Variants in ZC3H12D observed in about 807,000 individuals in gnomAD.
The protein encoded by ZC3H12D is probable ribonuclease ZC3H12D.
In ZC3H12D, 11 loss-of-function variants were observed where a neutral mutation model predicts 24.2. The observed-to-expected ratio is 0.46, with a 90% CI of 0.29 to 0.75. The LOEUF (loss-of-function observed/expected upper bound fraction) is 0.75, where lower values mean the gene tolerates loss of function less well. Among genes scored for constraint, ZC3H12D ranks in the 30% least tolerant of loss-of-function variants. ZC3H12D has a pLI of 0.11. For synonymous variants in ZC3H12D, 333 were observed against 341.8 expected (o/e 0.97, Z 0.28); for missense variants, 740 against 767.7 (o/e 0.96, Z 0.43).
At chr6:149,461,643 G>A (rs755954787) in intron 3 of ZC3H12D, 188 bp downstream of exon 3, 11 of 447,124 alleles carry the variant, frequency 2.5e-5, no homozygotes, top group East Asian at 7.9e-5. Flanking sequence ...CAGGTGTTAC[G>A]CTAGGTGCTA....
chr6:149,448,457 T>G lies in ZC3H12D; in HGVS notation c.*2226A>C. 1 of 151,532 alleles carries G rather than the reference T, an allele frequency of 6.6e-6. No individual in the cohort carries two copies. The allele number at this position is 151,532 out of a possible 1,614,324, so 9.4% of individuals were successfully genotyped here. A position where few individuals can be genotyped will look rare whatever the true frequency, so the allele number is the denominator to read the frequency against. Reference sequence around the variant, plus strand: ...ACTCAGGAGGCTGAGGCACAAGGATTGCTTGAGCCTGGGAAGTCAAAGCTG... The same window carrying G: ...ACTCAGGAGGCTGAGGCACAAGGATGGCTTGAGCCTGGGAAGTCAAAGCTG... On this transcript the variant is annotated 3_prime_UTR_variant, in exon 6 of 6. Transcript: ENST00000409806.
intron 4 of ZC3H12D, among the ~76,000 whole-genome samples, chr6:149,455,362 A>G (rs1046586448): frequency 1.3e-5 from 2 of 152,200 alleles, no homozygotes; most frequent in African/African-American, 4.8e-5. Context: ...TAAGACAGAT[A>G]CAGTCCCGGC....
At chr6:149,451,712 A>C (rs414956) in intron 5 of ZC3H12D, among the ~76,000 whole-genome samples, 35,733 of 152,102 alleles carry the variant, frequency 0.23, 4,378 homozygotes, top group Non-Finnish European at 0.26. Context: ...GGCCTGGGTG[A>C]GGGGGCGCTG....
At chr6:149,463,860 G>A (rs1776113013) in intron 2 of ZC3H12D, among the ~76,000 whole-genome samples, 1 of 152,204 alleles carries the variant, frequency 6.6e-6, no homozygotes, top group South Asian at 2.1e-4. Context: ...AAGATCTCTG[G>A]CTTGTGTAAG....
intron 1 of ZC3H12D, among the ~76,000 whole-genome samples, chr6:149,484,100 C>A (rs2115016733): frequency 6.6e-6 from 1 of 152,322 alleles, no homozygotes; most frequent in Middle Eastern, 3.4e-3. Flanking sequence ...CATCCCGGAG[C>A]AACTCTACTG....
At chr6:149,477,340 T>C (rs977599950) in intron 1 of ZC3H12D, among the ~76,000 whole-genome samples, 16 of 152,126 alleles carry the variant, frequency 1.1e-4, no homozygotes, top group Non-Finnish European at 7.4e-5. Context: ...CCACTCCACC[T>C]CAGCCCACTG....
chr6:149,484,392 T>A (rs994471523), intron 1 of ZC3H12D, among the ~76,000 whole-genome samples: 2 of 152,316 alleles, frequency 1.3e-5, no homozygotes, highest in Admixed American at 6.5e-5. Context: ...GTCTAGAAGA[T>A]GCTCTCATGA....
At chr6:149,468,047 T>A (rs1426155989) in intron 2 of ZC3H12D, among the ~76,000 whole-genome samples, 1 of 152,138 alleles carries the variant, frequency 6.6e-6, no homozygotes, top group African/African-American at 2.4e-5. Context: ...AATGGCGCAA[T>A]CTCAGCTCAC....
At position 149,469,180 on chromosome 6, in the gene ZC3H12D, G is replaced by A. The variant is rs374062646; in HGVS notation, c.305+5059C>T. Among the ~76,000 whole-genome samples, 23 of 152,274 alleles carry A rather than the reference G, an allele frequency of 1.5e-4. No homozygotes were observed. In the East Asian group the frequency reaches 2.3e-3, roughly 15 times the overall value. On this transcript the variant is annotated intron_variant, in intron 2 of 5. Transcript: ENST00000409806. ...GGCAAGAAAATGCTGCAACTCAGCC[G>A]GGAGCGATGGCTCAAGCCTGTAATC...
chr6:149,464,581 C>T (rs1219739670), intron 2 of ZC3H12D, among the ~76,000 whole-genome samples: 1 of 152,184 alleles, frequency 6.6e-6, no homozygotes, highest in Non-Finnish European at 1.5e-5. Flanking sequence ...ACGTTGGCAC[C>T]CATCCAGGGG....
intron 1 of ZC3H12D, among the ~76,000 whole-genome samples, chr6:149,480,204 A>G (rs989024295): frequency 6.6e-6 from 1 of 152,250 alleles, no homozygotes; most frequent in Admixed American, 6.5e-5. Flanking sequence ...TAAAGAAAAT[A>G]GACAAAAAAC....
chr6:149,456,637 C>CCCCGGG lies in ZC3H12D; in HGVS notation c.680+28_680+29insCCCGGG. On this transcript the variant is annotated intron_variant, in intron 4 of 5. Coordinates refer to ENST00000409806, the MANE Select transcript of ZC3H12D (RefSeq NM_207360.3). This position sits in a 1 kb window ranked among gnomAD's most constrained non-coding sequence, Gnocchi z 4.3. ...CCCGGCCCCCCGCCCCGCCGCCCCCCAGGGTGTCAGGACCCCAGCCGGACC... is the reference window on the plus strand; with the variant it reads ...CCCGGCCCCCCGCCCCGCCGCCCCCCCCCGGGAGGGTGTCAGGACCCCAGCCGGACC... 6 of 1,554,896 alleles carry CCCCGGG rather than the reference C, an allele frequency of 3.9e-6. No individual in the cohort carries two copies. Among genetic ancestry groups the CCCCGGG allele is most frequent in the Non-Finnish European group, 5.3e-6 (6 of 1,130,036 alleles).
chr6:149,463,029 G>GC (rs1221227956), intron 2 of ZC3H12D, among the ~76,000 whole-genome samples: 1 of 152,118 alleles, frequency 6.6e-6, no homozygotes, highest in African/African-American at 2.4e-5. Context: ...TATACATGTA[G>GC]CCTATTAGTT....
chr6:149,451,871 G>A lies in ZC3H12D; in HGVS notation c.788-392C>T, dbSNP rs527267675. 1.9e-4 allele frequency among the ~76,000 whole-genome samples: 29 copies of A among 152,376 alleles called. No homozygotes were observed. The East Asian group carries it at 4.6e-3, about 24-fold the overall frequency. ...GGCCAGGCTTAGGGAGCGGGCGGTA[G>A]GGAGTGGGTGCTCGGGGCAGAGGAC... On this transcript the variant is annotated intron_variant, in intron 5 of 5. Coordinates refer to ENST00000409806, the MANE Select transcript of ZC3H12D (RefSeq NM_207360.3).
At chr6:149,466,174 C>T (rs1418153168) in intron 2 of ZC3H12D, among the ~76,000 whole-genome samples, 2 of 151,886 alleles carry the variant, frequency 1.3e-5, no homozygotes, top group African/African-American at 4.8e-5. Context: ...CCATGTTTCC[C>T]GTTTAGAGGC....
At chr6:149,476,248 C>G (rs982214136) in intron 1 of ZC3H12D, among the ~76,000 whole-genome samples, 50 of 152,270 alleles carry the variant, frequency 3.3e-4, no homozygotes, top group African/African-American at 8.9e-4. Context: ...GGCTCATGCC[C>G]GTAATTCCAG....
At position 149,450,576 on chromosome 6, in the gene ZC3H12D, G is replaced by C; in HGVS notation, c.*107C>G. 2 of 1,148,928 alleles carry C rather than the reference G, an allele frequency of 1.7e-6. No individual in the cohort carries two copies. The highest frequency in any genetic ancestry group is 3.4e-5 in the South Asian group (2 of 58,918). The allele number at this position is 1,148,928 out of a possible 1,614,324, so 71.2% of individuals were successfully genotyped here. On this transcript the variant is annotated 3_prime_UTR_variant, in exon 6 of 6. Coordinates refer to ENST00000409806, the MANE Select transcript of ZC3H12D (RefSeq NM_207360.3). ...CTTCCCTGACCATCTTTAAAGAAAA[G>C]GGGGCACCATGATGGGCCCACTCAG... is the stretch of plus-strand genomic sequence containing the variant.
chr6:149,456,863 C>T lies in ZC3H12D; in HGVS notation c.483G>A (p.Val161=). 1 of 1,605,438 alleles carries T rather than the reference C, an allele frequency of 6.2e-7. No individual in the cohort carries two copies. The highest frequency in any genetic ancestry group is 2.2e-5 in the East Asian group (1 of 44,854). The part of the protein sequence containing the change: ...HVLAELERQA[V]LVYTPSRKVH... ...CCTTGCGGGACGGCGTGTACACCAG[C>T]ACCGCCTGCCGCTCCAGCTCCGCCA... is the stretch of plus-strand genomic sequence containing the variant. The change falls in exon 4 of 6, where the codon GTG becomes GTA. Residue 161 remains valine, a synonymous_variant. Coordinates refer to ENST00000409806, the MANE Select transcript of ZC3H12D (RefSeq NM_207360.3). This position sits in a 1 kb window ranked among gnomAD's most constrained non-coding sequence, Gnocchi z 4.3.
At chr6:149,460,799 T>C (rs577308459) in intron 3 of ZC3H12D, among the ~76,000 whole-genome samples, 6 of 150,050 alleles carry the variant, frequency 4.0e-5, no homozygotes, top group Middle Eastern at 3.5e-3. Flanking sequence ...CGTTGTACTA[T>C]GGCCTGGGCG....
Sources: gnomAD v4.1 joint callset for allele counts (sites outside exome capture counted in the v4.1 genomes callset) on GRCh38, gnomAD v4.1.1 for gene constraint, Gnocchi (gnomAD v3.1) non-coding constraint, MANE v1.5 for transcripts, NCBI Gene and HGNC (gene_info 2026-07-23, HGNC 2026-07-21) for gene names.